PALLD: variants seen among roughly 807,000 people sequenced by gnomAD.
PALLD encodes palladin.
In PALLD, 61 loss-of-function variants were observed where a neutral mutation model predicts 123.5. The observed-to-expected ratio is 0.49, with a 90% CI of 0.40 to 0.61. PALLD has a LOEUF of 0.61. PALLD is among the 20% of genes least tolerant of loss of function. The pLI, the probability that PALLD is intolerant of heterozygous loss-of-function variation, is 0.00. For synonymous variants in PALLD, 465 were observed against 496.4 expected (o/e 0.94, Z 0.84); for missense variants, 1,273 against 1,377.0 (o/e 0.92, Z 1.20).
At chr4:168,615,848 T>G (rs1299073739) in intron 2 of PALLD, among the ~76,000 whole-genome samples, 1 of 152,204 alleles carries the variant, frequency 6.6e-6, no homozygotes, top group Non-Finnish European at 1.5e-5. Context: ...ATCCCTGCCT[T>G]GTAGTCACAC....
intron 10 of PALLD, among the ~76,000 whole-genome samples, chr4:168,851,607 A>C (rs4692673): frequency 0.62 from 93,924 of 152,006 alleles, 33,612 homozygotes; most frequent in East Asian, 0.96. Context: ...ACCTCAAGTG[A>C]TCCACCCTCC....
At chr4:168,737,732 C>A (rs750064702) in intron 10 of PALLD, among the ~76,000 whole-genome samples, 1 of 152,088 alleles carries the variant, frequency 6.6e-6, no homozygotes, top group African/African-American at 2.4e-5. Flanking sequence ...CTATGGTGAC[C>A]GTCTGTTAGT....
Position 168,927,107 on chromosome 4 carries a change from A to G in PALLD, c.*927A>G, listed in dbSNP as rs1054423591. On this transcript the variant is annotated 3_prime_UTR_variant, in exon 22 of 22. Coordinates refer to ENST00000505667, the MANE Select transcript of PALLD (RefSeq NM_001166108.2). The stretch of plus-strand genomic sequence containing the variant: ...ATATAAATAATATAAAGTGCTCTGA[A>G]TAAAGCAGAAATATATTACAGTTCA... 3 of 225,210 alleles carry G rather than the reference A, an allele frequency of 1.3e-5. No homozygotes were observed. The highest frequency in any genetic ancestry group is 2.7e-5 in the Non-Finnish European group (3 of 112,770). The allele number at this position is 225,210 out of a possible 1,614,324, so 14.0% of individuals were successfully genotyped here. A position where few individuals can be genotyped will look rare whatever the true frequency, so the allele number is the denominator to read the frequency against.
intron 8 of PALLD, among the ~76,000 whole-genome samples, chr4:168,707,033 ATATT>A (rs1013874267): frequency 2.0e-5 from 3 of 152,250 alleles, no homozygotes; most frequent in Non-Finnish European, 4.4e-5. Flanking sequence ...AAAAATTAAA[ATATT>A]TAAAGCTCTC....
chr4:168,580,306 G>A (rs1770111388), intron 2 of PALLD, among the ~76,000 whole-genome samples: 1 of 151,644 alleles, frequency 6.6e-6, no homozygotes, highest in Admixed American at 6.6e-5. Context: ...ATCAACAGAT[G>A]GGCAAAGGAC....
chr4:168,641,311 A>G (rs1776928316), intron 2 of PALLD, among the ~76,000 whole-genome samples: 2 of 152,090 alleles, frequency 1.3e-5, no homozygotes, highest in Admixed American at 6.5e-5. Context: ...TAAGCACCGT[A>G]GAGGGTTTTG....
At chr4:168,611,358 T>G (rs1470438628) in intron 2 of PALLD, among the ~76,000 whole-genome samples, 1 of 152,194 alleles carries the variant, frequency 6.6e-6, no homozygotes, top group Non-Finnish European at 1.5e-5. Context: ...AATCACTCTC[T>G]GCTGAACTGA....
chr4:168,548,818 G>T (rs2712123), intron 2 of PALLD, among the ~76,000 whole-genome samples: 56,492 of 151,970 alleles, frequency 0.37, 10,741 homozygotes, highest in East Asian at 0.65. Flanking sequence ...TGAAATTAAC[G>T]ATTTAAATAC....
At chr4:168,695,174 G>C (rs993015843) in intron 8 of PALLD, among the ~76,000 whole-genome samples, 1 of 152,186 alleles carries the variant, frequency 6.6e-6, no homozygotes, top group Middle Eastern at 3.2e-3. Flanking sequence ...GCTAGATCTT[G>C]TACGGTAGAG....
At chr4:168,909,038 T>C (rs990540626) in intron 15 of PALLD, among the ~76,000 whole-genome samples, 12 of 152,166 alleles carry the variant, frequency 7.9e-5, no homozygotes, top group African/African-American at 2.9e-4. Context: ...GCTCAAGCAA[T>C]TCATAAGAGA....
intron 2 of PALLD, among the ~76,000 whole-genome samples, chr4:168,620,244 C>T (rs1223315779): frequency 6.6e-6 from 1 of 152,204 alleles, no homozygotes; most frequent in Non-Finnish European, 1.5e-5. Flanking sequence ...ATCACGAGGT[C>T]AGGAGTTCGA....
At chr4:168,547,945 C>CA (rs33961230) in intron 2 of PALLD, among the ~76,000 whole-genome samples, 2,726 of 81,074 alleles carry the variant, frequency 0.034, 55 homozygotes, top group Non-Finnish European at 0.042. Flanking sequence ...GACTCCGTCT[C>CA]AAAAAAAAAA....
intron 10 of PALLD, among the ~76,000 whole-genome samples, chr4:168,772,949 G>T (rs1734652612): frequency 6.6e-6 from 1 of 152,244 alleles, no homozygotes; most frequent in Admixed American, 6.5e-5. Context: ...GCTCTCTTGG[G>T]CATGGAGTGG....
At chr4:168,601,094 G>C (rs1312819167) in intron 2 of PALLD, among the ~76,000 whole-genome samples, 1 of 133,646 alleles carries the variant, frequency 7.5e-6, no homozygotes, top group African/African-American at 3.2e-5. Flanking sequence ...ATTTGCCTTA[G>C]GCTCTTCTTT....
intron 2 of PALLD, among the ~76,000 whole-genome samples, chr4:168,526,713 C>T (rs904458367): frequency 6.6e-6 from 1 of 152,180 alleles, no homozygotes; most frequent in African/African-American, 2.4e-5. Flanking sequence ...AGGCTCTTAG[C>T]ACCTGGAGTG....
intron 10 of PALLD, among the ~76,000 whole-genome samples, chr4:168,728,384 G>A (rs1786806172): frequency 6.6e-6 from 1 of 152,072 alleles, no homozygotes; most frequent in Admixed American, 6.5e-5. Context: ...ATTTCTTTCA[G>A]TAGGGTTTTA....
chr4:168,696,133 C>T (rs138287712), intron 8 of PALLD, among the ~76,000 whole-genome samples: 156 of 152,180 alleles, frequency 1.0e-3, no homozygotes, highest in African/African-American at 3.3e-3. Context: ...TCAGAGGCCA[C>T]GGGTTGGACA....
chr4:168,679,111 T>G (rs1344868128), intron 3 of PALLD, among the ~76,000 whole-genome samples: 32 of 109,426 alleles, frequency 2.9e-4, no homozygotes, highest in African/African-American at 9.7e-4. Flanking sequence ...ATGGTGGGTG[T>G]GTGTGTGTGT....
intron 2 of PALLD, among the ~76,000 whole-genome samples, chr4:168,566,668 C>T (rs1030726244): frequency 1.3e-5 from 2 of 152,116 alleles, no homozygotes; most frequent in Admixed American, 6.5e-5. Flanking sequence ...AAGATACAAA[C>T]ATGTTCTGTT....
Sources: gnomAD v4.1 joint callset for allele counts (sites outside exome capture counted in the v4.1 genomes callset) on GRCh38, gnomAD v4.1.1 for gene constraint, MANE v1.5 for transcripts, NCBI Gene and HGNC (gene_info 2026-07-23, HGNC 2026-07-21) for gene names.